The following ARID1B variants were observed in gnomAD, a reference collection of about 807,000 sequenced individuals.
The protein encoded by ARID1B is AT-rich interactive domain-containing protein 1B.
Under a neutral mutation model 212.3 loss-of-function variants are expected in ARID1B, and 30 were observed. The ratio of observed to expected loss-of-function variants is 0.14; its 90% CI spans 0.11 to 0.19. The LOEUF is 0.19. Ranked by LOEUF, ARID1B falls within the 10% of genes least tolerant of loss-of-function variation. The probability of loss-of-function intolerance (pLI) is 1.00; values close to 1 mark genes in which losing one functional copy is unlikely to be tolerated. For synonymous variants in ARID1B, 1,402 were observed against 1,301.7 expected (o/e 1.08, Z -1.66); for missense variants, 2,891 against 3,204.0 (o/e 0.90, Z 2.36).
intron 4 of ARID1B, among the ~76,000 whole-genome samples, chr6:157,058,441 T>A (rs1314835080): frequency 6.6e-6 from 1 of 152,120 alleles, no homozygotes; most frequent in East Asian, 1.9e-4. Context: ...ATTTTTGTAT[T>A]TTTAATAGAG....
At chr6:157,158,555 C>T (rs907893683) in intron 8 of ARID1B, among the ~76,000 whole-genome samples, 7 of 152,176 alleles carry the variant, frequency 4.6e-5, no homozygotes, top group South Asian at 2.1e-4. Flanking sequence ...AACTCAGGTT[C>T]GTCCATCAGG....
At chr6:157,174,230 A>G in intron 10 of ARID1B, 113 bp downstream of exon 10, 1 of 818,670 alleles carries the variant, frequency 1.2e-6, no homozygotes, top group Non-Finnish European at 2.0e-6. Flanking sequence ...TCTCCTCTGC[A>G]TGCCTTCATT....
At chr6:156,896,814 G>A (rs1320228784) in intron 2 of ARID1B, among the ~76,000 whole-genome samples, 1 of 152,134 alleles carries the variant, frequency 6.6e-6, no homozygotes, top group East Asian at 1.9e-4. Context: ...GGGAGGCGGA[G>A]GTTGCAGTGA....
intron 4 of ARID1B, among the ~76,000 whole-genome samples, chr6:157,025,890 T>G (rs961635986): frequency 2.0e-5 from 3 of 152,206 alleles, no homozygotes; most frequent in Non-Finnish European, 4.4e-5. Flanking sequence ...CTACCAGGCT[T>G]CTTCTCCAAA....
chr6:157,029,496 T>C (rs1780893497), intron 4 of ARID1B, among the ~76,000 whole-genome samples: 1 of 152,258 alleles, frequency 6.6e-6, no homozygotes, highest in Non-Finnish European at 1.5e-5. Context: ...GTGAATGAGC[T>C]AGCCTGCTCT....
At chr6:157,001,284 G>A (rs2128428385) in intron 4 of ARID1B, among the ~76,000 whole-genome samples, 1 of 152,288 alleles carries the variant, frequency 6.6e-6, no homozygotes, top group South Asian at 2.1e-4. Flanking sequence ...CTGTTGCTCC[G>A]AGAGGGATCG....
intron 4 of ARID1B, chr6:156,936,264 C>T (rs1007741523): frequency 6.6e-6 from 1 of 150,672 alleles, no homozygotes; most frequent in African/African-American, 2.5e-5. Flanking sequence ...ATCGCTTGAA[C>T]CCAGGAGGCA....
intron 1 of ARID1B, among the ~76,000 whole-genome samples, chr6:156,782,951 T>C (rs1417117552): frequency 1.3e-5 from 2 of 152,088 alleles, no homozygotes; most frequent in Non-Finnish European, 2.9e-5. Context: ...ATTTTTGTGG[T>C]ACATACTTTT....
At chr6:157,121,655 C>T (rs528600398) in intron 6 of ARID1B, among the ~76,000 whole-genome samples, 6 of 89,916 alleles carry the variant, frequency 6.7e-5, no homozygotes, top group Admixed American at 1.3e-4. Context: ...TTTGCTGAGA[C>T]GGAGTTTCAC....
At chr6:156,892,650 C>T (rs1006585798) in intron 2 of ARID1B, among the ~76,000 whole-genome samples, 6 of 152,128 alleles carry the variant, frequency 3.9e-5, no homozygotes, top group African/African-American at 9.7e-5. Context: ...AGACTATTTC[C>T]GTCACTCCTA....
intron 2 of ARID1B, among the ~76,000 whole-genome samples, chr6:156,887,812 G>A (rs565325054): frequency 2.4e-4 from 37 of 152,176 alleles, no homozygotes; most frequent in African/African-American, 8.0e-4. Flanking sequence ...ACCTACACAC[G>A]AATGAGTAAT....
chr6:157,178,733 T>TA (rs1443716505), intron 11 of ARID1B, among the ~76,000 whole-genome samples: 1 of 151,806 alleles, frequency 6.6e-6, no homozygotes, highest in Admixed American at 6.6e-5. Context: ...TTAAGTTTAT[T>TA]TAACCAAGGA....
At chr6:157,086,253 T>G (rs903829666) in intron 5 of ARID1B, among the ~76,000 whole-genome samples, 8 of 152,236 alleles carry the variant, frequency 5.3e-5, no homozygotes, top group Admixed American at 3.9e-4. Flanking sequence ...TAATTTGATA[T>G]AGGTATACGC....
At position 156,961,751 on chromosome 6, in the gene ARID1B, A is replaced by G. The variant is rs560519092; in HGVS notation, c.2247+26175A>G. ...TCTTGAAGTACAAATAAATGGGCAC[A>G]CGGGGCTGGGAGCAACTCGTGTCTG... On this transcript the variant is annotated intron_variant, in intron 4 of 19. Transcript: ENST00000636930. Among the ~76,000 whole-genome samples the G allele has an allele frequency of 2.6e-5, 4 of 152,302 alleles. No homozygotes were observed. In the South Asian group the frequency reaches 8.3e-4, roughly 32 times the overall value.
chr6:157,040,095 G>A (rs1250636778), intron 4 of ARID1B, among the ~76,000 whole-genome samples: 2 of 151,820 alleles, frequency 1.3e-5, no homozygotes, highest in Admixed American at 6.6e-5. Flanking sequence ...GACTACAGGC[G>A]CGTGCCACTA....
intron 4 of ARID1B, among the ~76,000 whole-genome samples, chr6:157,046,081 C>A (rs549694734): frequency 6.6e-6 from 1 of 152,274 alleles, no homozygotes; most frequent in Non-Finnish European, 1.5e-5. Flanking sequence ...GAGTTTAAAA[C>A]AAATTTGCTT....
At chr6:156,930,261 A>T (rs1791589795) in intron 3 of ARID1B, among the ~76,000 whole-genome samples, 1 of 152,116 alleles carries the variant, frequency 6.6e-6, no homozygotes, top group South Asian at 2.1e-4. Flanking sequence ...TTCTCGTGAT[A>T]GTGAGTGAGT....
intron 1 of ARID1B, among the ~76,000 whole-genome samples, chr6:156,792,955 G>T (rs1034757636): frequency 1.9e-4 from 29 of 152,006 alleles, no homozygotes; most frequent in African/African-American, 7.0e-4. Flanking sequence ...TTTTAAATGA[G>T]GACAATGAAA....
At chr6:157,018,125 A>G (rs1168280529) in intron 4 of ARID1B, among the ~76,000 whole-genome samples, 1 of 151,414 alleles carries the variant, frequency 6.6e-6, no homozygotes, top group African/African-American at 2.4e-5. Flanking sequence ...GAGCAAGACC[A>G]TGTCTCTAAA....
Sources: allele counts gnomAD v4.1 joint callset (sites outside exome capture counted in the v4.1 genomes callset), GRCh38; gene constraint gnomAD v4.1.1; transcripts MANE v1.5; gene names NCBI Gene and HGNC (gene_info 2026-07-23, HGNC 2026-07-21).